MICAL3: variants seen among roughly 807,000 people sequenced by gnomAD.
MICAL3 encodes the protein [F-actin]-monooxygenase MICAL3.
Under a neutral mutation model 207.4 loss-of-function variants are expected in MICAL3, and 62 were observed. That is an observed-to-expected ratio of 0.30 (90% CI 0.24 to 0.37). The LOEUF is 0.37. Among genes scored for constraint, MICAL3 ranks in the 10% least tolerant of loss-of-function variants. The probability of loss-of-function intolerance (pLI) is 1.00; values close to 1 mark genes in which losing one functional copy is unlikely to be tolerated. For missense variants in MICAL3, 2,368 were observed against 2,635.6 expected, an observed-to-expected ratio of 0.90 and a Z score of 2.22; for synonymous variants, 1,077 against 1,069.3, an observed-to-expected ratio of 1.01 and a Z score of -0.14.
intron 1 of MICAL3, among the ~76,000 whole-genome samples, chr22:17,992,837 T>A (rs1382078353): frequency 6.6e-6 from 1 of 152,222 alleles, no homozygotes; most frequent in Non-Finnish European, 1.5e-5. Context: ...TGCAAATTAT[T>A]GGGTTTATGG....
intron 1 of MICAL3, among the ~76,000 whole-genome samples, chr22:17,967,521 A>T (rs11704827): frequency 0.2 from 30,247 of 151,364 alleles, 3,187 homozygotes; most frequent in Middle Eastern, 0.27. Context: ...TGCCTACAGC[A>T]TGGGGATCCC....
Position 17,817,981 on chromosome 22 carries a change from G to C in MICAL3, c.4680C>G (p.Pro1560=). The C allele has an allele frequency of 6.2e-7, 1 of 1,612,462 alleles. No homozygotes were observed. The highest frequency in any genetic ancestry group is 2.2e-5 in the East Asian group (1 of 44,878). ...WPRPEKPRHP[P]LAKENGRLPA... ...GCAGCCTCCCGTTCTCCTTGGCCAG[G>C]GGCGGGTGGCGAGGCTTCTCGGGGC... Residue 1560 remains proline (P), a synonymous_variant, in exon 26 of 32, where the codon CCC becomes CCG. Coordinates refer to ENST00000441493, the MANE Select transcript of MICAL3 (RefSeq NM_015241.3).
chr22:17,791,683 T>G (rs1490408273), intron 29 of MICAL3: 4 of 226,334 alleles, frequency 1.8e-5, no homozygotes, highest in South Asian at 7.6e-5. Flanking sequence ...AAACCCGTCT[T>G]GTTAAACGAG....
Position 17,793,117 on chromosome 22 carries a change from C to A in MICAL3, c.5651-1816G>T, listed in dbSNP as rs1266922040. Among the ~76,000 whole-genome samples, 1 of 152,206 alleles carries A rather than the reference C, an allele frequency of 6.6e-6. No individual in the cohort carries two copies. Among genetic ancestry groups the A allele is most frequent in the Non-Finnish European group, 1.5e-5 (1 of 68,028 alleles). On this transcript the variant is annotated intron_variant, in intron 29 of 31. Transcript: ENST00000441493. The surrounding 1 kb of genome is among the most constrained non-coding windows in gnomAD (Gnocchi z 4.1). ...CTCGCCCACGGCCGCCAGGCAGGGG[C>A]TGTGGTGTGTGAGCGAGAGTCGGGT...
intron 1 of MICAL3, among the ~76,000 whole-genome samples, chr22:17,983,037 C>T (rs1257641311): frequency 6.6e-6 from 1 of 152,140 alleles, no homozygotes; most frequent in Non-Finnish European, 1.5e-5. Context: ...GCCTCTGGGC[C>T]CCATGGGTCT....
chr22:18,004,109 C>CA (rs1923219362), intron 1 of MICAL3, among the ~76,000 whole-genome samples: 1 of 151,830 alleles, frequency 6.6e-6, no homozygotes, highest in South Asian at 2.1e-4. Flanking sequence ...ACTCATCTTC[C>CA]AACTATAATC....
chr22:17,968,735 A>G (rs1935268189), intron 1 of MICAL3, among the ~76,000 whole-genome samples: 1 of 152,182 alleles, frequency 6.6e-6, no homozygotes, highest in African/African-American at 2.4e-5. Context: ...AGATGTGGCC[A>G]CCAAACAGTT....
intron 5 of MICAL3, 53 bp from the exon 6 acceptor site, chr22:17,901,050 T>A (rs1265162384): frequency 2.5e-6 from 4 of 1,571,460 alleles, no homozygotes; most frequent in Non-Finnish European, 3.5e-6. Flanking sequence ...AGAAGGAAGA[T>A]CACTTCAGAT....
intron 1 of MICAL3, among the ~76,000 whole-genome samples, chr22:17,989,489 A>G (rs1411274451): frequency 3.9e-5 from 6 of 151,930 alleles, no homozygotes; most frequent in African/African-American, 7.3e-5. Context: ...ACAGCAGCTC[A>G]TCAATGCTGA....
chr22:17,855,315 C>T (rs1287128118), intron 19 of MICAL3, among the ~76,000 whole-genome samples: 1 of 152,232 alleles, frequency 6.6e-6, no homozygotes, highest in Non-Finnish European at 1.5e-5. Flanking sequence ...AGGCCCAGGG[C>T]AGGCAATGTC....
rs572920733 is a variant in MICAL3, at chr22:17,935,085, G to C, written c.-74-28199C>G. On this transcript the variant is annotated intron_variant, in intron 1 of 31. Coordinates refer to ENST00000441493, the MANE Select transcript of MICAL3 (RefSeq NM_015241.3). ...CAGAATTGGAAAAAACTACTTTAAA[G>C]TTCATATGGAACCAAAAAAGAGCCC... Among the ~76,000 whole-genome samples, 11 of 152,180 alleles carry C rather than the reference G, an allele frequency of 7.2e-5. No homozygotes were observed. The East Asian group carries it at 1.7e-3, about 24-fold the overall frequency.
In MICAL3 at chr22:17,852,795, C is replaced by T. The variant is rs762157777; in HGVS notation, c.2606-10778G>A. The stretch of plus-strand genomic sequence containing the variant: ...GTTGAAAATTTAGCTTAATGAAGGC[C>T]GGGGCTTGGTGGCTCATGCCTGTCA... On this transcript the variant is annotated intron_variant, in intron 19 of 31. Coordinates refer to ENST00000441493, the MANE Select transcript of MICAL3 (RefSeq NM_015241.3). Among the ~76,000 whole-genome samples, 64 of 152,138 alleles carry T rather than the reference C, an allele frequency of 4.2e-4. 1 individual carries two copies. Among genetic ancestry groups the T allele is most frequent in the Non-Finnish European group, 2.4e-4 (16 of 68,030 alleles).
chr22:17,952,678 T>C (rs987783564), intron 1 of MICAL3, among the ~76,000 whole-genome samples: 4 of 151,840 alleles, frequency 2.6e-5, no homozygotes, highest in Admixed American at 1.3e-4. Context: ...AGGCAGGGGG[T>C]GGAGAGGTCC....
chr22:17,931,776 G>A (rs145900109), intron 1 of MICAL3, among the ~76,000 whole-genome samples: 114 of 152,330 alleles, frequency 7.5e-4, no homozygotes, highest in Admixed American at 1.7e-3. Context: ...AGATGTGCAC[G>A]CAGCTTTGCA....
intron 1 of MICAL3, among the ~76,000 whole-genome samples, chr22:17,965,598 C>A (rs1246519288): frequency 6.6e-6 from 1 of 152,146 alleles, no homozygotes; most frequent in African/African-American, 2.4e-5. Context: ...ATACAGCGAT[C>A]AGCCTCATGT....
intron 22 of MICAL3, among the ~76,000 whole-genome samples, chr22:17,827,276 C>T (rs1922302780): frequency 6.6e-6 from 1 of 152,090 alleles, no homozygotes; most frequent in African/African-American, 2.4e-5. Context: ...TTCCTGCCAA[C>T]ACACATTCAC....
intron 1 of MICAL3, among the ~76,000 whole-genome samples, chr22:17,907,802 T>C (rs1194374433): frequency 6.6e-6 from 1 of 152,144 alleles, no homozygotes. Flanking sequence ...TTCGAGAGTG[T>C]CAAAGTTGGC....
intron 21 of MICAL3, 38 bp downstream of exon 21, chr22:17,831,816 G>T: frequency 1.9e-6 from 3 of 1,539,510 alleles, no homozygotes; most frequent in Non-Finnish European, 2.6e-6. Context: ...TCACTTTGGG[G>T]GGCAGGGCAG....
chr22:17,948,725 G>A (rs1271935373), intron 1 of MICAL3, among the ~76,000 whole-genome samples: 3 of 151,950 alleles, frequency 2.0e-5, no homozygotes, highest in Non-Finnish European at 2.9e-5. Context: ...GCAACATGGT[G>A]AGTGAGACCC....
Sources: gnomAD v4.1 joint callset for allele counts (sites outside exome capture counted in the v4.1 genomes callset) on GRCh38, gnomAD v4.1.1 for gene constraint, Gnocchi (gnomAD v3.1) non-coding constraint, MANE v1.5 for transcripts, NCBI Gene and HGNC (gene_info 2026-07-23, HGNC 2026-07-21) for gene names.